SH3GL2: variants seen among roughly 807,000 people sequenced by gnomAD.
SH3GL2 encodes SH3 domain containing GRB2 like 2, endophilin A1, also known as endophilin-A1.
In SH3GL2, 24 loss-of-function variants were observed where a neutral mutation model predicts 46.0. The ratio of observed to expected loss-of-function variants is 0.52; its 90% confidence interval spans 0.38 to 0.73. The LOEUF is 0.73. Among genes scored for constraint, SH3GL2 ranks in the 30% least tolerant of loss-of-function variants. The pLI, the probability that SH3GL2 is intolerant of heterozygous loss-of-function variation, is 0.00. For synonymous variants in SH3GL2, 196 were observed against 147.1 expected, an observed-to-expected ratio of 1.33 and a Z score of -2.40; for missense variants, 413 against 424.2, an observed-to-expected ratio of 0.97 and a Z score of 0.23.
chr9:17,701,778 C>A (rs977534527), intron 1 of SH3GL2, among the ~76,000 whole-genome samples: 4 of 151,944 alleles, frequency 2.6e-5, no homozygotes, highest in Non-Finnish European at 4.4e-5. Flanking sequence ...ATAAATATAA[C>A]ACATGTATGA....
intron 1 of SH3GL2, among the ~76,000 whole-genome samples, chr9:17,728,354 T>C (rs1822077396): frequency 6.6e-6 from 1 of 152,160 alleles, no homozygotes; most frequent in African/African-American, 2.4e-5. Context: ...TTTTCCTCCA[T>C]TATTTTGTGC....
At chr9:17,673,572 A>G (rs1225383608) in intron 1 of SH3GL2, among the ~76,000 whole-genome samples, 2 of 152,088 alleles carry the variant, frequency 1.3e-5, no homozygotes, top group African/African-American at 4.8e-5. Context: ...AAACACTTGG[A>G]TGATGCTTTG....
chr9:17,624,460 A>G (rs942580422), intron 1 of SH3GL2, among the ~76,000 whole-genome samples: 1 of 152,134 alleles, frequency 6.6e-6, no homozygotes, highest in African/African-American at 2.4e-5. Flanking sequence ...TTCCATCTCC[A>G]TGCTCTTTCC....
intron 1 of SH3GL2, among the ~76,000 whole-genome samples, chr9:17,606,733 A>G (rs1818767414): frequency 8.5e-5 from 13 of 152,206 alleles, no homozygotes. Context: ...TTGCTAAATT[A>G]GGGGAGTAAA....
intron 1 of SH3GL2, among the ~76,000 whole-genome samples, chr9:17,707,203 C>T (rs1278041701): frequency 6.6e-6 from 1 of 151,996 alleles, no homozygotes; most frequent in Non-Finnish European, 1.5e-5. Flanking sequence ...TCTCCATTTC[C>T]TTGTTGTGGT....
intron 1 of SH3GL2, among the ~76,000 whole-genome samples, chr9:17,740,679 A>C (rs548756946): frequency 1.5e-4 from 23 of 152,154 alleles, no homozygotes; most frequent in African/African-American, 5.3e-4. Flanking sequence ...GTTCTTTAAT[A>C]ATGCACTTAA....
At chr9:17,729,028 C>T (rs575366101) in intron 1 of SH3GL2, among the ~76,000 whole-genome samples, 2 of 152,246 alleles carry the variant, frequency 1.3e-5, no homozygotes, top group East Asian at 3.9e-4. Context: ...ATTTTTACTT[C>T]TAGATCCTTG....
chr9:17,752,362 A>G (rs1214647928), intron 2 of SH3GL2, among the ~76,000 whole-genome samples: 2 of 152,222 alleles, frequency 1.3e-5, no homozygotes, highest in African/African-American at 4.8e-5. Flanking sequence ...TCTTAACTTC[A>G]GTGACAGAAA....
chr9:17,744,434 C>T (rs959002756), intron 1 of SH3GL2, among the ~76,000 whole-genome samples: 7 of 151,818 alleles, frequency 4.6e-5, no homozygotes, highest in Non-Finnish European at 7.4e-5. Flanking sequence ...GGCACGATCA[C>T]GGCTCACTGT....
chr9:17,735,995 T>C lies in SH3GL2; in HGVS notation c.46-11071T>C, dbSNP rs145939223. On this transcript the variant is annotated intron_variant, in intron 1 of 8. Coordinates refer to ENST00000380607, the MANE Select transcript of SH3GL2 (RefSeq NM_003026.5). ...AGGGGAGACTCCACAATTTCTCGTT[T>C]GATTCAGCATAAGCCTGCATTGTTG... Among the ~76,000 whole-genome samples the C allele has an allele frequency of 6.2e-3, 943 of 152,184 alleles. 9 individuals carry two copies. The highest frequency in any genetic ancestry group is 8.1e-3 in the Non-Finnish European group (549 of 67,984).
intron 3 of SH3GL2, among the ~76,000 whole-genome samples, chr9:17,782,613 T>C (rs968523324): frequency 2.0e-5 from 3 of 152,060 alleles, no homozygotes; most frequent in Admixed American, 1.3e-4. Context: ...TCTCAAACCA[T>C]CCTATGAGAC....
intron 1 of SH3GL2, chr9:17,653,769 T>C: frequency 2.8e-6 from 1 of 356,114 alleles, no homozygotes; most frequent in Non-Finnish European, 3.9e-6. Flanking sequence ...GCCTGAAGGG[T>C]GAAAGCAGTT....
At chr9:17,653,980 G>GATGAGGAGGATGAAT in intron 1 of SH3GL2, 1 of 327,772 alleles carries the variant, frequency 3.1e-6, no homozygotes, top group Non-Finnish European at 4.4e-6. Flanking sequence ...AAGAGCAGTT[G>GATGAGGAGGATGAAT]TGTGCTGTAT....
intron 1 of SH3GL2, among the ~76,000 whole-genome samples, chr9:17,746,082 T>A (rs1007337697): frequency 1.3e-5 from 2 of 152,218 alleles, no homozygotes; most frequent in Non-Finnish European, 2.9e-5. Context: ...CTAATTTTTT[T>A]ATTTTATTTT....
intron 1 of SH3GL2, among the ~76,000 whole-genome samples, chr9:17,629,506 A>G (rs191657120): frequency 1.0e-3 from 155 of 152,314 alleles, no homozygotes; most frequent in African/African-American, 3.7e-3. Context: ...TCTTCCAAAA[A>G]ACAATATTCT....
At chr9:17,710,025 G>A (rs184957377) in intron 1 of SH3GL2, among the ~76,000 whole-genome samples, 152 of 152,042 alleles carry the variant, frequency 1.0e-3, no homozygotes, top group Middle Eastern at 3.4e-3. Flanking sequence ...TATGATTGGA[G>A]TGGAATTGTC....
chr9:17,782,500 C>T (rs922569407), intron 3 of SH3GL2, among the ~76,000 whole-genome samples: 5 of 152,032 alleles, frequency 3.3e-5, no homozygotes, highest in African/African-American at 1.2e-4. Context: ...CTGTACTTTA[C>T]GAAATGGAGT....
intron 1 of SH3GL2, among the ~76,000 whole-genome samples, chr9:17,587,878 C>T (rs777955892): frequency 6.7e-6 from 1 of 150,282 alleles, no homozygotes; most frequent in African/African-American, 2.5e-5. Flanking sequence ...GAGCAAGTCA[C>T]TGTCTCAAAA....
chr9:17,622,755 G>A (rs1819172223), intron 1 of SH3GL2, among the ~76,000 whole-genome samples: 1 of 152,248 alleles, frequency 6.6e-6, no homozygotes, highest in East Asian at 1.9e-4. Context: ...GGAAGTCAGA[G>A]CAGGCACGGT....
Sources: allele counts gnomAD v4.1 joint callset (sites outside exome capture counted in the v4.1 genomes callset), GRCh38; gene constraint gnomAD v4.1.1; transcripts MANE v1.5; gene names NCBI Gene and HGNC (gene_info 2026-07-23, HGNC 2026-07-21).